SYN2: variants seen among roughly 807,000 people sequenced by gnomAD.
SYN2 encodes the protein synapsin II.
A neutral mutation model predicts 50.9 loss-of-function variants in SYN2; 19 were observed. The observed-to-expected ratio is 0.37, with a 90% CI of 0.26 to 0.55. SYN2 has a LOEUF of 0.55. Ranked by LOEUF, SYN2 falls within the 20% of genes least tolerant of loss-of-function variation. The pLI is 0.81. For missense variants in SYN2, 587 were observed against 576.4 expected (o/e 1.02, Z -0.19); for synonymous variants, 255 against 224.9 (o/e 1.13, Z -1.20).
intron 1 of SYN2, among the ~76,000 whole-genome samples, chr3:12,054,874 G>A (rs1694954170): frequency 1.3e-5 from 2 of 152,152 alleles, no homozygotes; most frequent in South Asian, 2.1e-4. Flanking sequence ...TGATAGTTTA[G>A]TAGAATATAG....
intron 1 of SYN2, among the ~76,000 whole-genome samples, chr3:12,115,729 G>T (rs938920831): frequency 6.6e-6 from 1 of 152,098 alleles, no homozygotes; most frequent in Admixed American, 6.6e-5. Flanking sequence ...TAGGGTAAAA[G>T]ATTATGTTTT....
chr3:12,158,476 T>A (rs1364727760), intron 5 of SYN2, among the ~76,000 whole-genome samples: 1 of 152,166 alleles, frequency 6.6e-6, no homozygotes, highest in Non-Finnish European at 1.5e-5. Context: ...GGGAGGTCGC[T>A]ATGGAAGTCC....
chr3:12,136,299 C>T (rs1206708800), intron 1 of SYN2, among the ~76,000 whole-genome samples: 1 of 152,158 alleles, frequency 6.6e-6, no homozygotes, highest in Non-Finnish European at 1.5e-5. Flanking sequence ...CACCTGTGAG[C>T]CAAACATTAT....
intron 1 of SYN2, among the ~76,000 whole-genome samples, chr3:12,043,190 T>G (rs925594222): frequency 6.6e-6 from 1 of 152,034 alleles, no homozygotes; most frequent in Admixed American, 6.6e-5. Flanking sequence ...GCCCAGCTAA[T>G]TTTTAAAAAA....
chr3:12,145,366 GTC>G (rs1697123274), intron 3 of SYN2, among the ~76,000 whole-genome samples: 2 of 152,110 alleles, frequency 1.3e-5, no homozygotes, highest in Non-Finnish European at 2.9e-5. Flanking sequence ...GTAAGACCCT[GTC>G]TCTCCAAAAC....
chr3:12,013,083 C>G (rs919405592), intron 1 of SYN2, among the ~76,000 whole-genome samples: 1 of 152,188 alleles, frequency 6.6e-6, no homozygotes, highest in Non-Finnish European at 1.5e-5. Flanking sequence ...TATATCTTCC[C>G]TTTGGAAGTC....
At chr3:12,154,314 G>A (rs1488342728) in intron 5 of SYN2, 1 of 1,614,192 alleles carries the variant, frequency 6.2e-7, no homozygotes, top group Middle Eastern at 1.6e-4. Flanking sequence ...TTTGGAAATG[G>A]ACATTCCCTT....
intron 8 of SYN2, among the ~76,000 whole-genome samples, chr3:12,167,630 C>G (rs1424218103): frequency 6.6e-6 from 1 of 151,684 alleles, no homozygotes; most frequent in Non-Finnish European, 1.5e-5. Flanking sequence ...TACCTAGCCT[C>G]AAGTATTCCT....
rs935435301 is a variant in SYN2 at position 12,075,815 on chromosome 3, A to G, written c.378-64836A>G. 5.9e-5 allele frequency among the ~76,000 whole-genome samples: 9 copies of G among 152,222 alleles called. No homozygotes were observed. The East Asian group carries it at 1.3e-3, about 23-fold the overall frequency. On this transcript the variant is annotated intron_variant, in intron 1 of 12. Transcript: ENST00000621198. The stretch of plus-strand genomic sequence containing the variant: ...GTTCAGTAAAGCAAGTGTGATACCT[A>G]TTTGCAACACTAGGCCACATGTGGG...
chr3:12,118,121 GT>G (rs1400548417), intron 1 of SYN2, among the ~76,000 whole-genome samples: 1 of 152,198 alleles, frequency 6.6e-6, no homozygotes, highest in African/African-American at 2.4e-5. Flanking sequence ...CAAAGTCTAA[GT>G]TTTATGTTCA....
intron 1 of SYN2, among the ~76,000 whole-genome samples, chr3:12,055,299 C>T (rs1694963086): frequency 6.6e-6 from 1 of 151,842 alleles, no homozygotes; most frequent in South Asian, 2.1e-4. Context: ...ATTAAAAATA[C>T]CTAGAAGGTA....
chr3:12,178,433 AG>A (rs1427520157), intron 10 of SYN2, among the ~76,000 whole-genome samples: 1 of 152,184 alleles, frequency 6.6e-6, no homozygotes, highest in African/African-American at 2.4e-5. Context: ...GGCATTTTAA[AG>A]TTACCTTTGA....
At chr3:12,036,522 C>T (rs1207187895) in intron 1 of SYN2, among the ~76,000 whole-genome samples, 1 of 152,174 alleles carries the variant, frequency 6.6e-6, no homozygotes, top group Non-Finnish European at 1.5e-5. Context: ...GAACACTGTA[C>T]TGGCATGCAG....
chr3:12,040,678 T>C (rs1275433379), intron 1 of SYN2, among the ~76,000 whole-genome samples: 1 of 152,100 alleles, frequency 6.6e-6, no homozygotes, highest in Non-Finnish European at 1.5e-5. Context: ...GAGTGTTCTT[T>C]TTATTACTAG....
intron 1 of SYN2, among the ~76,000 whole-genome samples, chr3:12,097,406 A>C (rs1161713610): frequency 6.6e-6 from 1 of 151,644 alleles, no homozygotes; most frequent in Non-Finnish European, 1.5e-5. Context: ...GGAGATCAAG[A>C]CCATCCTGGC....
At chr3:12,156,362 C>T (rs1030374991) in intron 5 of SYN2, among the ~76,000 whole-genome samples, 4 of 152,078 alleles carry the variant, frequency 2.6e-5, no homozygotes, top group African/African-American at 9.7e-5. Context: ...TGTTCTATCC[C>T]AGCCAATTCA....
intron 1 of SYN2, among the ~76,000 whole-genome samples, chr3:12,047,761 A>G (rs536164932): frequency 9.8e-5 from 15 of 152,346 alleles, no homozygotes; most frequent in African/African-American, 3.4e-4. Flanking sequence ...TTGTTAAAAC[A>G]GAGATCACTT....
At chr3:12,140,563 T>C (rs1487624405) in intron 1 of SYN2, 88 bp from the exon 2 acceptor site, 7 of 716,080 alleles carry the variant, frequency 9.8e-6, no homozygotes, top group Non-Finnish European at 1.6e-5. Context: ...GAGATCTGTC[T>C]GCTGTGGTCC....
intron 3 of SYN2, among the ~76,000 whole-genome samples, chr3:12,142,517 A>T (rs1168035544): frequency 6.6e-6 from 1 of 152,138 alleles, no homozygotes; most frequent in Non-Finnish European, 1.5e-5. Flanking sequence ...GGAACTCCTA[A>T]GTCTGATAGA....
Sources: gnomAD v4.1 joint callset for allele counts (sites outside exome capture counted in the v4.1 genomes callset) on GRCh38, gnomAD v4.1.1 for gene constraint, MANE v1.5 for transcripts, NCBI Gene and HGNC (gene_info 2026-07-23, HGNC 2026-07-21) for gene names.